The following CCNY variants were observed in gnomAD, a reference collection of about 807,000 sequenced individuals.
The protein encoded by CCNY is cyclin-Y.
A neutral mutation model predicts 42.8 loss-of-function variants in CCNY; 19 were observed. The ratio of observed to expected loss-of-function variants is 0.44; its 90% CI spans 0.31 to 0.65. CCNY has a LOEUF of 0.65. Among genes scored for constraint, CCNY ranks in the 30% least tolerant of loss-of-function variants. The pLI is 0.07. For synonymous variants in CCNY, 165 were observed against 162.7 expected (o/e 1.01, Z -0.11); for missense variants, 370 against 437.3 (o/e 0.85, Z 1.37).
At chr10:35,347,565 T>C (rs1194297720) in intron 1 of CCNY, 1 of 282,262 alleles carries the variant, frequency 3.5e-6, no homozygotes, top group Admixed American at 6.5e-5. Flanking sequence ...TTCTTGGTGG[T>C]CAATAAGGAA....
At chr10:35,517,409 A>T (rs1039539268) in intron 4 of CCNY, among the ~76,000 whole-genome samples, 2 of 152,212 alleles carry the variant, frequency 1.3e-5, no homozygotes, top group African/African-American at 4.8e-5. Flanking sequence ...TCTGAATTTT[A>T]TCTCTATACT....
At chr10:35,406,201 T>TTTTATTTA (rs34172154) in intron 1 of CCNY, among the ~76,000 whole-genome samples, 5,317 of 124,252 alleles carry the variant, frequency 0.043, 136 homozygotes, top group African/African-American at 0.062. Context: ...TTCTTTTTTA[T>TTTTATTTA]TTTATTTATT....
chr10:35,543,847 G>A (rs1357412675), intron 7 of CCNY, among the ~76,000 whole-genome samples: 4 of 152,188 alleles, frequency 2.6e-5, no homozygotes, highest in Non-Finnish European at 5.9e-5. Context: ...GCGGAAAACA[G>A]CGATATTGAT....
intron 8 of CCNY, among the ~76,000 whole-genome samples, chr10:35,556,385 G>A (rs1354432864): frequency 6.6e-6 from 1 of 152,162 alleles, no homozygotes; most frequent in Non-Finnish European, 1.5e-5. Context: ...CCCTGAGTAG[G>A]CAAAGTTGTA....
At chr10:35,272,221 A>C (rs112986745) in intron 3 of CCNY, among the ~76,000 whole-genome samples, 2 of 151,682 alleles carry the variant, frequency 1.3e-5, no homozygotes, top group African/African-American at 4.8e-5. Context: ...TCCTGACCTC[A>C]GGTGATCTGC....
At chr10:35,483,650 T>C (rs1839722183) in intron 2 of CCNY, among the ~76,000 whole-genome samples, 172 bp downstream of exon 2, 1 of 152,230 alleles carries the variant, frequency 6.6e-6, no homozygotes, top group Middle Eastern at 3.2e-3. Flanking sequence ...TGCAGTGTTA[T>C]GTTTTTAGAA....
chr10:35,556,759 A>G (rs1233818263), intron 8 of CCNY, among the ~76,000 whole-genome samples: 1 of 152,116 alleles, frequency 6.6e-6, no homozygotes, highest in Non-Finnish European at 1.5e-5. Flanking sequence ...TGGAGGTGCC[A>G]GCCAGTGACC....
chr10:35,307,911 G>A (rs1233958590), intron 3 of CCNY, among the ~76,000 whole-genome samples: 2 of 149,254 alleles, frequency 1.3e-5, no homozygotes, highest in African/African-American at 2.5e-5. Context: ...TCCGCCTCCC[G>A]GGTTCAAGTG....
chr10:35,411,567 A>C (rs1268760650), intron 1 of CCNY, among the ~76,000 whole-genome samples: 1 of 150,152 alleles, frequency 6.7e-6, no homozygotes, highest in East Asian at 2.0e-4. Context: ...AAATGGCTGC[A>C]GTTAGTTACA....
Position 35,467,653 on chromosome 10 carries a change from CTTG to C in CCNY, c.155-15745_155-15743del, listed in dbSNP as rs566333392. On this transcript the variant is annotated intron_variant, in intron 1 of 9. Transcript: ENST00000374704. The stretch of plus-strand genomic sequence containing the variant: ...ATAAATTCCTTGTATGTTACGTTTA[CTTG>C]TTGTTTTGCATTGACTAGGGCCCCC... Among the ~76,000 whole-genome samples the C allele has an allele frequency of 1.5e-4, 23 of 152,198 alleles. No homozygotes were observed. The South Asian group carries it at 4.4e-3, about 29-fold the overall frequency.
At chr10:35,431,412 C>T (rs1259830620) in intron 1 of CCNY, among the ~76,000 whole-genome samples, 1 of 17,472 alleles carries the variant, frequency 5.7e-5, no homozygotes, top group Non-Finnish European at 1.3e-4. Context: ...CTCTCTCTCT[C>T]TCTCTCTCTC....
chr10:35,474,947 C>T (rs546141347), intron 1 of CCNY, among the ~76,000 whole-genome samples: 1 of 151,184 alleles, frequency 6.6e-6, no homozygotes, highest in South Asian at 2.1e-4. Flanking sequence ...CAGAGAAGTG[C>T]TTAAAGGAGC....
chr10:35,255,424 G>A (rs1780645851), intron 3 of CCNY, among the ~76,000 whole-genome samples: 1 of 151,504 alleles, frequency 6.6e-6, no homozygotes, highest in East Asian at 1.9e-4. Flanking sequence ...AGGTTCAAGC[G>A]ATTCTGGGAC....
intron 1 of CCNY, among the ~76,000 whole-genome samples, chr10:35,423,506 C>CTT (rs1249915944): frequency 1.9e-4 from 27 of 140,268 alleles, no homozygotes; most frequent in African/African-American, 6.0e-4. Context: ...CTGAAAGAGG[C>CTT]TTTTTTTTTT....
rs556029599 is a variant in CCNY, at chr10:35,272,029, C to T, written c.-9+21403C>T. On this transcript the variant is annotated intron_variant, in intron 3 of 11. Coordinates refer to the CCNY transcript ENST00000374706. ...TGTTTTTTTAGACAGAGTCTCGCTC[C>T]AGGCTGGAGTGCAGTGGAGCGATCT... 3.3e-5 allele frequency among the ~76,000 whole-genome samples: 5 copies of T among 152,268 alleles called. No homozygotes were observed. The South Asian group carries it at 1.0e-3, about 32-fold the overall frequency.
chr10:35,365,446 C>T (rs887863603), intron 1 of CCNY, among the ~76,000 whole-genome samples: 1 of 152,104 alleles, frequency 6.6e-6, no homozygotes, highest in Non-Finnish European at 1.5e-5. Flanking sequence ...TTCTGTGTTT[C>T]CTACTACTAC....
chr10:35,523,118 A>G (rs1050321604), intron 4 of CCNY, among the ~76,000 whole-genome samples: 11 of 152,248 alleles, frequency 7.2e-5, no homozygotes, highest in Admixed American at 2.6e-4. Context: ...CAACCAACAG[A>G]AAGTCCAGGA....
At chr10:35,387,046 T>G (rs1381558984) in intron 1 of CCNY, among the ~76,000 whole-genome samples, 2 of 152,190 alleles carry the variant, frequency 1.3e-5, no homozygotes, top group African/African-American at 2.4e-5. Flanking sequence ...CCCCCTGAGC[T>G]GCCAACATAC....
intron 1 of CCNY, among the ~76,000 whole-genome samples, chr10:35,339,423 GTA>G (rs928053645): frequency 6.6e-6 from 1 of 151,950 alleles, no homozygotes; most frequent in East Asian, 1.9e-4. Flanking sequence ...TAAATAGAGT[GTA>G]TATATATACA....
Sources: gnomAD v4.1 joint callset for allele counts (sites outside exome capture counted in the v4.1 genomes callset) on GRCh38, gnomAD v4.1.1 for gene constraint, MANE v1.5 for transcripts, NCBI Gene and HGNC (gene_info 2026-07-23, HGNC 2026-07-21) for gene names.